Variants in SORBS2 observed in about 807,000 individuals in gnomAD.
The protein encoded by SORBS2 is sorbin and SH3 domain containing 2.
Under a neutral mutation model 97.7 loss-of-function variants are expected in SORBS2, and 46 were observed. The observed-to-expected ratio is 0.47, with a 90% CI of 0.37 to 0.60. SORBS2 has a LOEUF of 0.60. Ranked by LOEUF, SORBS2 falls within the 20% of genes least tolerant of loss-of-function variation. SORBS2 has a pLI of 0.00. For synonymous variants in SORBS2, 476 were observed against 473.4 expected (o/e 1.01, Z -0.07); for missense variants, 1,316 against 1,282.3 (o/e 1.03, Z -0.40).
intron 2 of SORBS2, among the ~76,000 whole-genome samples, chr4:185,708,362 C>T (rs1259887635): frequency 6.6e-6 from 1 of 152,156 alleles, no homozygotes; most frequent in Non-Finnish European, 1.5e-5. Context: ...AGACAGGGAG[C>T]ACAACCAGCG....
intron 1 of SORBS2, among the ~76,000 whole-genome samples, chr4:185,944,704 G>T (rs1027898425): frequency 3.3e-5 from 5 of 152,054 alleles, no homozygotes. Context: ...TGAGACAAGC[G>T]CCTCAAGTGA....
At chr4:185,666,002 G>A in intron 4 of SORBS2, 1 of 1,287,692 alleles carries the variant, frequency 7.8e-7, no homozygotes, top group Non-Finnish European at 1.0e-6. Context: ...AGGCTCTGGG[G>A]ATTATGCAGG....
At chr4:185,899,438 T>C (rs868556354) in intron 1 of SORBS2, among the ~76,000 whole-genome samples, 2 of 152,176 alleles carry the variant, frequency 1.3e-5, no homozygotes, top group African/African-American at 4.8e-5. Flanking sequence ...AGTTTATTTT[T>C]ATTTTTTTTA....
chr4:185,688,977 G>A (rs2098036810), intron 2 of SORBS2, among the ~76,000 whole-genome samples: 1 of 152,098 alleles, frequency 6.6e-6, no homozygotes, highest in South Asian at 2.1e-4. Flanking sequence ...CCTTAGAAAT[G>A]AGAAGATGCT....
At chr4:185,640,073 CTT>C (rs976457894) in intron 4 of SORBS2, among the ~76,000 whole-genome samples, 2 of 152,036 alleles carry the variant, frequency 1.3e-5, no homozygotes, top group African/African-American at 4.8e-5. Context: ...AGTGATGTGA[CTT>C]TGTTTCAATA....
At chr4:185,661,920 T>C (rs1005121613), upstream of SORBS2, among the ~76,000 whole-genome samples, 1 of 152,150 alleles carries the variant, frequency 6.6e-6, no homozygotes, top group Non-Finnish European at 1.5e-5. Flanking sequence ...GGTGGAGACA[T>C]GGTCTTGGAA....
upstream of SORBS2, among the ~76,000 whole-genome samples, chr4:185,661,403 C>A (rs1374539903): frequency 1.3e-5 from 2 of 152,182 alleles, no homozygotes; most frequent in East Asian, 3.8e-4. Context: ...AGTCCATGAG[C>A]CCCAGGAAAT....
chr4:185,852,421 G>A (rs979178725), intron 1 of SORBS2, among the ~76,000 whole-genome samples: 2 of 152,102 alleles, frequency 1.3e-5, no homozygotes, highest in African/African-American at 4.8e-5. Flanking sequence ...ATAGGTATAG[G>A]TAAGGTCACC....
chr4:185,854,710 C>T (rs909812913), intron 1 of SORBS2, among the ~76,000 whole-genome samples: 1 of 151,924 alleles, frequency 6.6e-6, no homozygotes, highest in African/African-American at 2.4e-5. Flanking sequence ...AGATGCCCAA[C>T]TAGCAATTCT....
At chr4:185,676,725 A>G (rs1582504285) in intron 4 of SORBS2, among the ~76,000 whole-genome samples, 1 of 138,784 alleles carries the variant, frequency 7.2e-6, no homozygotes, top group East Asian at 2.1e-4. Flanking sequence ...TGACCCCTCA[A>G]TGATTTCCCA....
intron 1 of SORBS2, among the ~76,000 whole-genome samples, chr4:185,818,213 G>A (rs1048418948): frequency 3.3e-5 from 5 of 152,224 alleles, no homozygotes; most frequent in South Asian, 2.1e-4. Flanking sequence ...TTTTTGAGAT[G>A]GAGTCTCGCT....
chr4:185,782,068 A>G (rs537848474), intron 1 of SORBS2, among the ~76,000 whole-genome samples: 5 of 152,384 alleles, frequency 3.3e-5, no homozygotes, highest in Non-Finnish European at 7.3e-5. Context: ...GTAGGGGCCA[A>G]TACGTAGTTG....
In SORBS2 at chr4:185,623,528, GTGAAGGA is replaced by G. The variant is rs1375822325; in HGVS notation, c.1594_1600del (p.Ser532HisfsTer43). On this transcript the variant is annotated frameshift_variant, in exon 7 of 15. Transcript: ENST00000418609. LOFTEE classifies it high-confidence loss of function. This position sits in a 1 kb window ranked among gnomAD's most constrained non-coding sequence, Gnocchi z 6.4. ...GGATCCGTAAAAGCTTTCGGAGGAT[GTGAAGGA>G]AAAGTGATCAAAGTCACTTTCACTG... 1 of 1,613,990 alleles carries G rather than the reference GTGAAGGA, an allele frequency of 6.2e-7. No homozygotes were observed. The highest frequency in any genetic ancestry group is 8.5e-7 in the Non-Finnish European group (1 of 1,180,034).
chr4:185,928,473 G>A (rs538507159), intron 1 of SORBS2, among the ~76,000 whole-genome samples: 6 of 152,238 alleles, frequency 3.9e-5, no homozygotes, highest in Admixed American at 3.3e-4. Flanking sequence ...CTACTTTATA[G>A]ACAGGTCTTG....
chr4:185,707,626 C>T (rs2153540799), intron 2 of SORBS2, among the ~76,000 whole-genome samples: 1 of 152,006 alleles, frequency 6.6e-6, no homozygotes, highest in Middle Eastern at 3.4e-3. Flanking sequence ...TGTTTGTTCT[C>T]ATGTTCCTAA....
chr4:185,864,195 G>A (rs971211628), intron 1 of SORBS2, among the ~76,000 whole-genome samples: 2 of 152,172 alleles, frequency 1.3e-5, no homozygotes, highest in African/African-American at 4.8e-5. Flanking sequence ...AAGCCGGAGT[G>A]TAACAGAAGG....
At chr4:185,917,938 G>C (rs2099259072) in intron 1 of SORBS2, among the ~76,000 whole-genome samples, 1 of 152,148 alleles carries the variant, frequency 6.6e-6, no homozygotes, top group Non-Finnish European at 1.5e-5. Flanking sequence ...GTCAACGATA[G>C]AACGGGTCAA....
chr4:185,669,973 C>A (rs972686697), intron 4 of SORBS2, among the ~76,000 whole-genome samples: 2 of 152,156 alleles, frequency 1.3e-5, no homozygotes, highest in Non-Finnish European at 2.9e-5. Context: ...AATCCCAGCA[C>A]TTTGGGAGGC....
intron 1 of SORBS2, among the ~76,000 whole-genome samples, chr4:185,782,237 C>A (rs2099034751): frequency 6.6e-6 from 1 of 152,222 alleles, no homozygotes; most frequent in South Asian, 2.1e-4. Context: ...TGTTTCCAAC[C>A]AAGACGATTC....
Sources: allele counts gnomAD v4.1 joint callset (sites outside exome capture counted in the v4.1 genomes callset), GRCh38; gene constraint gnomAD v4.1.1; non-coding constraint Gnocchi (gnomAD v3.1); transcripts MANE v1.5; gene names NCBI Gene and HGNC (gene_info 2026-07-23, HGNC 2026-07-21).